Variants in NUB1 observed in about 807,000 individuals in gnomAD.
NUB1 encodes negative regulator of ubiquitin like proteins 1.
Under a neutral mutation model 77.1 loss-of-function variants are expected in NUB1, and 41 were observed. The observed-to-expected ratio is 0.53, with a 90% confidence interval of 0.41 to 0.69. NUB1 has a LOEUF of 0.69. Among genes scored for constraint, NUB1 ranks in the 30% least tolerant of loss-of-function variants. The pLI is 0.00. For synonymous variants in NUB1, 257 were observed against 281.0 expected (o/e 0.91, Z 0.85); for missense variants, 643 against 743.8 (o/e 0.86, Z 1.58).
chr7:151,374,441 T>G, intron 12 of NUB1, 198 bp downstream of exon 12: 1 of 704,572 alleles, frequency 1.4e-6, no homozygotes, highest in South Asian at 1.7e-5. Context: ...TGCTCAGTGC[T>G]TGGCCCAGGC....
intron 1 of NUB1, among the ~76,000 whole-genome samples, chr7:151,344,787 G>A (rs1796403464): frequency 6.6e-6 from 1 of 152,070 alleles, no homozygotes; most frequent in Admixed American, 6.5e-5. Context: ...ATCACTTGAG[G>A]TCAGGAATTC....
At chr7:151,369,021 T>G in intron 11 of NUB1, 134 bp downstream of exon 11, 1 of 1,066,838 alleles carries the variant, frequency 9.4e-7, no homozygotes, top group Non-Finnish European at 1.3e-6. Flanking sequence ...CCTTTTTTTT[T>G]TCTTGAGACA....
intron 8 of NUB1, among the ~76,000 whole-genome samples, chr7:151,361,454 G>A (rs926037468): frequency 1.3e-5 from 2 of 152,134 alleles, no homozygotes; most frequent in African/African-American, 4.8e-5. Flanking sequence ...CTCATCTTGG[G>A]CATTTAATGC....
chr7:151,376,945 G>A, intron 14 of NUB1, 102 bp from the exon 15 acceptor site: 1 of 1,399,600 alleles, frequency 7.1e-7, no homozygotes, highest in Non-Finnish European at 9.6e-7. Flanking sequence ...CACCTGGACA[G>A]TGTGGCCAGC....
intron 8 of NUB1, among the ~76,000 whole-genome samples, chr7:151,366,552 T>C (rs567027210): frequency 1.3e-5 from 2 of 152,202 alleles, no homozygotes; most frequent in East Asian, 3.9e-4. Context: ...AGAACGTTGC[T>C]CTGGCCCAGG....
intron 7 of NUB1, among the ~76,000 whole-genome samples, chr7:151,357,315 G>T (rs1234679578): frequency 2.0e-5 from 3 of 151,824 alleles, no homozygotes; most frequent in African/African-American, 7.3e-5. Flanking sequence ...GTGGAGACAG[G>T]GTTTTGCTAT....
intron 3 of NUB1, among the ~76,000 whole-genome samples, chr7:151,349,610 G>A (rs1796689569): frequency 6.6e-6 from 1 of 152,220 alleles, no homozygotes; most frequent in South Asian, 2.1e-4. Context: ...AGAGGTCAGA[G>A]GGCAGTCCGC....
chr7:151,368,583 T>C (rs1372844709), intron 10 of NUB1, 152 bp from the exon 11 acceptor site: 2 of 810,676 alleles, frequency 2.5e-6, no homozygotes, highest in Non-Finnish European at 3.8e-6. Context: ...CATTTGTACT[T>C]GTTAATAACA....
At chr7:151,364,098 A>G (rs904204624) in intron 8 of NUB1, among the ~76,000 whole-genome samples, 7 of 146,694 alleles carry the variant, frequency 4.8e-5, no homozygotes, top group Non-Finnish European at 1.1e-4. Flanking sequence ...CTGGCCTAAA[A>G]TTTTTATGTT....
At chr7:151,367,592 T>C (rs1411458578) in intron 9 of NUB1, among the ~76,000 whole-genome samples, 1 of 152,180 alleles carries the variant, frequency 6.6e-6, no homozygotes, top group Non-Finnish European at 1.5e-5. Flanking sequence ...TCTGCATACT[T>C]CTCTGCTGAC....
chr7:151,351,613 G>T, intron 4 of NUB1, 131 bp downstream of exon 4: 1 of 682,900 alleles, frequency 1.5e-6, no homozygotes. Context: ...AGAAAATTGA[G>T]GCTTTGAGGT....
intron 4 of NUB1, among the ~76,000 whole-genome samples, chr7:151,351,749 C>G (rs1392689585): frequency 6.6e-6 from 1 of 152,112 alleles, no homozygotes; most frequent in Non-Finnish European, 1.5e-5. Context: ...ATGGTAGGCA[C>G]TTGGTGCATG....
At chr7:151,344,933 G>T (rs1213293559) in intron 1 of NUB1, among the ~76,000 whole-genome samples, 1 of 152,132 alleles carries the variant, frequency 6.6e-6, no homozygotes, top group African/African-American at 2.4e-5. Context: ...CCAGGGGGCG[G>T]AGCTTGCAGT....
At position 151,377,353 on chromosome 7, in the gene NUB1, G is replaced by C; in HGVS notation, c.*128G>C. On this transcript the variant is annotated 3_prime_UTR_variant, in exon 15 of 15. Coordinates refer to ENST00000568733, the MANE Select transcript of NUB1 (RefSeq NM_001243351.2). ...CCTCTTTGGGTGTAGGAGGGGGTGG[G>C]CAGGGGACAAGTCCAGGAGGGGTCC... is the stretch of plus-strand genomic sequence containing the variant. The C allele has an allele frequency of 5.0e-6, 3 of 598,000 alleles. No homozygotes were observed. The highest frequency in any genetic ancestry group is 5.5e-6 in the Non-Finnish European group (2 of 363,360). 37.0% of individuals were successfully genotyped at this position (598,000 alleles called of 1,614,324 possible).
At chr7:151,365,135 A>T (rs1407359874) in intron 8 of NUB1, among the ~76,000 whole-genome samples, 1 of 151,940 alleles carries the variant, frequency 6.6e-6, no homozygotes, top group Non-Finnish European at 1.5e-5. Flanking sequence ...TCTAAATGCA[A>T]TTTATACCAG....
chr7:151,364,303 C>T (rs1434408040), intron 8 of NUB1, among the ~76,000 whole-genome samples: 3 of 148,778 alleles, frequency 2.0e-5, no homozygotes, highest in South Asian at 2.2e-4. Flanking sequence ...CGCCTGTAGT[C>T]CCAGCTACTT....
intron 8 of NUB1, among the ~76,000 whole-genome samples, chr7:151,364,073 T>C (rs975026080): frequency 2.0e-5 from 3 of 150,584 alleles, no homozygotes; most frequent in South Asian, 2.2e-4. Context: ...GGATTACAGG[T>C]GTGAGCCACC....
At chr7:151,352,186 C>T (rs1221717710) in intron 4 of NUB1, 1 of 456,580 alleles carries the variant, frequency 2.2e-6, no homozygotes, top group Admixed American at 2.3e-5. Context: ...CCAGGGAGAC[C>T]ACAGAAGGTA....
At chr7:151,373,995 T>A in intron 11 of NUB1, 102 bp from the exon 12 acceptor site, 2 of 1,350,986 alleles carry the variant, frequency 1.5e-6, no homozygotes. Flanking sequence ...CTTTGGTTTT[T>A]TGGCTTTGCC....
Sources: allele counts gnomAD v4.1 joint callset (sites outside exome capture counted in the v4.1 genomes callset), GRCh38; gene constraint gnomAD v4.1.1; transcripts MANE v1.5; gene names NCBI Gene and HGNC (gene_info 2026-07-23, HGNC 2026-07-21).